Variants in GTF2B observed in about 807,000 individuals in gnomAD.
The protein encoded by GTF2B is transcription initiation factor IIB.
A neutral mutation model predicts 34.6 loss-of-function variants in GTF2B; 20 were observed. The ratio of observed to expected loss-of-function variants is 0.58; its 90% CI spans 0.41 to 0.84. The LOEUF is 0.84. Ranked by LOEUF, GTF2B falls within the 40% of genes least tolerant of loss-of-function variation. The pLI is 0.00. For missense variants in GTF2B, 237 were observed against 393.3 expected (o/e 0.60, Z 3.36); for synonymous variants, 142 against 132.4 (o/e 1.07, Z -0.50).
intron 2 of GTF2B, among the ~76,000 whole-genome samples, chr1:88,872,149 G>A (rs1673706515): frequency 6.6e-6 from 1 of 152,014 alleles, no homozygotes; most frequent in African/African-American, 2.4e-5. Context: ...ATGATTTTAG[G>A]TCCTTTGAAA....
At chr1:88,854,906 T>C (rs1435765998) in intron 6 of GTF2B, among the ~76,000 whole-genome samples, 1 of 152,266 alleles carries the variant, frequency 6.6e-6, no homozygotes, top group Non-Finnish European at 1.5e-5. Flanking sequence ...AATTAGCTAA[T>C]TTTAAATTTC....
In GTF2B at chr1:88,872,462, A is replaced by T. The variant is rs1387996305; in HGVS notation, c.125-8348T>A. Reference sequence around the variant, plus strand: ...AGTGAAACTCCATCTCAATAAAAAAAAAAAAAAAAAAAAAAAAAAAGAAAG... The same window carrying T: ...AGTGAAACTCCATCTCAATAAAAAATAAAAAAAAAAAAAAAAAAAAGAAAG... On this transcript the variant is annotated intron_variant, in intron 2 of 6. Coordinates refer to ENST00000370500, the MANE Select transcript of GTF2B (RefSeq NM_001514.6). 4.8e-4 allele frequency among the ~76,000 whole-genome samples: 70 copies of T among 146,324 alleles called. 1 individual carries two copies. The highest frequency in any genetic ancestry group is 1.8e-3 in the African/African-American group (70 of 37,904).
intron 3 of GTF2B, 73 bp from the exon 4 acceptor site, chr1:88,860,359 T>C (rs1320945141): frequency 8.5e-6 from 9 of 1,064,634 alleles, no homozygotes; most frequent in Non-Finnish European, 1.1e-5. Flanking sequence ...TATGAAAATA[T>C]AGCTTACAAG....
chr1:88,852,693 C>T lies in GTF2B; in HGVS notation c.*520G>A, dbSNP rs1248598603. 6.7e-6 allele frequency among the ~76,000 whole-genome samples: 1 copy of T among 149,534 alleles called. No homozygotes were observed. Among genetic ancestry groups the T allele is most frequent in the South Asian group, 2.1e-4 (1 of 4,816 alleles). Reference sequence around the variant, plus strand: ...GGTGCCTTTCAAGGCCCAAGCTCATCACTTCTTGTTTAATAATATACATAA... The same window carrying T: ...GGTGCCTTTCAAGGCCCAAGCTCATTACTTCTTGTTTAATAATATACATAA... On this transcript the variant is annotated 3_prime_UTR_variant, in exon 7 of 7. Transcript: ENST00000370500.
chr1:88,878,224 A>G (rs945686296), intron 2 of GTF2B, among the ~76,000 whole-genome samples: 8 of 152,142 alleles, frequency 5.3e-5, no homozygotes, highest in Non-Finnish European at 1.0e-4. Context: ...CAGTGAGTCG[A>G]GATGATTTCA....
intron 6 of GTF2B, among the ~76,000 whole-genome samples, chr1:88,856,762 T>C (rs957895320): frequency 2.0e-5 from 3 of 152,088 alleles, no homozygotes; most frequent in Non-Finnish European, 4.4e-5. Context: ...AAAACATATT[T>C]TCTTAACATT....
At chr1:88,871,972 G>A (rs890658831) in intron 2 of GTF2B, among the ~76,000 whole-genome samples, 56 of 151,778 alleles carry the variant, frequency 3.7e-4, no homozygotes, top group Non-Finnish European at 6.2e-4. Flanking sequence ...ACCTCAGGTA[G>A]TCCACCCACC....
At chr1:88,860,552 A>C (rs561073877) in intron 3 of GTF2B, among the ~76,000 whole-genome samples, 1 of 152,312 alleles carries the variant, frequency 6.6e-6, no homozygotes, top group East Asian at 1.9e-4. Context: ...TTCACTTAGA[A>C]ATATGATAAA....
At chr1:88,880,325 G>A (rs576945841) in intron 2 of GTF2B, among the ~76,000 whole-genome samples, 1 of 152,258 alleles carries the variant, frequency 6.6e-6, no homozygotes, top group East Asian at 1.9e-4. Flanking sequence ...TAGAATATTT[G>A]CCCACCTTGA....
intron 1 of GTF2B, among the ~76,000 whole-genome samples, 160 bp from the exon 2 acceptor site, chr1:88,887,527 GTTATT>G (rs562798156): frequency 1.8e-3 from 269 of 152,270 alleles, no homozygotes; most frequent in Non-Finnish European, 3.3e-3. Flanking sequence ...TCCCAGTTAG[GTTATT>G]TTAAATTCCA....
intron 2 of GTF2B, among the ~76,000 whole-genome samples, chr1:88,871,571 C>T (rs1021736776): frequency 2.0e-5 from 3 of 152,096 alleles, no homozygotes; most frequent in African/African-American, 7.2e-5. Flanking sequence ...GGTCATGCTT[C>T]AAAGGGGAGA....
At chr1:88,875,695 T>C (rs1432994899) in intron 2 of GTF2B, among the ~76,000 whole-genome samples, 3 of 152,220 alleles carry the variant, frequency 2.0e-5, no homozygotes, top group Admixed American at 6.5e-5. Flanking sequence ...GATGTCACCA[T>C]ACTCGGAAGA....
rs1553161836 is a variant in GTF2B, at chr1:88,852,847, T to TAAAG, written c.*362_*365dup. On this transcript the variant is annotated 3_prime_UTR_variant, in exon 7 of 7. Coordinates refer to ENST00000370500, the MANE Select transcript of GTF2B (RefSeq NM_001514.6). ...ACTATGTATATATAAGTAATGGAAA[T>TAAAG]AAAGTCTATCAGCTTTATTAGCTGC... The TAAAG allele has an allele frequency of 0.023, 4,215 of 185,378 alleles. 101 individuals carry two copies. The highest frequency in any genetic ancestry group is 0.058 in the African/African-American group (2,151 of 36,806). 11.5% of individuals were successfully genotyped at this position (185,378 alleles called of 1,614,324 possible). A position where few individuals can be genotyped will look rare whatever the true frequency, so the allele number is the denominator to read the frequency against.
chr1:88,891,336 C>T (rs1674201248), intron 1 of GTF2B, 147 bp downstream of exon 1: 1 of 611,358 alleles, frequency 1.6e-6, no homozygotes, highest in Non-Finnish European at 2.9e-6. Flanking sequence ...TCTGGAAGTG[C>T]CTTTGTCCCG....
intron 3 of GTF2B, among the ~76,000 whole-genome samples, chr1:88,862,998 T>G (rs1223325551): frequency 6.6e-6 from 1 of 150,604 alleles, no homozygotes; most frequent in Non-Finnish European, 1.5e-5. Flanking sequence ...ATAGTATACA[T>G]GAAGTTATAA....
chr1:88,872,298 A>G (rs1044430100), intron 2 of GTF2B, among the ~76,000 whole-genome samples: 4 of 151,730 alleles, frequency 2.6e-5, no homozygotes, highest in Admixed American at 6.6e-5. Context: ...TACTAAAAAT[A>G]CGAAATTAGA....
At chr1:88,875,585 G>C (rs1265767865) in intron 2 of GTF2B, among the ~76,000 whole-genome samples, 1 of 152,104 alleles carries the variant, frequency 6.6e-6, no homozygotes, top group Non-Finnish European at 1.5e-5. Context: ...CTATGGCATA[G>C]GTTTCTTTTT....
chr1:88,867,833 T>A (rs548740617), intron 2 of GTF2B, among the ~76,000 whole-genome samples: 6 of 152,288 alleles, frequency 3.9e-5, no homozygotes, highest in Non-Finnish European at 8.8e-5. Flanking sequence ...GGTAGTATAG[T>A]ATAAATAGAA....
rs564605256 is a variant in GTF2B at position 88,856,289 on chromosome 1, AAC to A, written c.817+915_817+916del. Among the ~76,000 whole-genome samples, 200 of 93,002 alleles carry A rather than the reference AAC, an allele frequency of 2.2e-3. 32 individuals are homozygous for A. The highest frequency in any genetic ancestry group is 3.9e-3 in the Admixed American group (38 of 9,706). The allele number at this position is 93,002 out of a possible 152,430, so 61.0% of individuals were successfully genotyped here. ...TTCAAAAACAAAAAAAAAAAAAAAA[AAC>A]AAAAAAAAAAAAGGAAAAGAAATTC... On this transcript the variant is annotated intron_variant, in intron 6 of 6. Coordinates refer to ENST00000370500, the MANE Select transcript of GTF2B (RefSeq NM_001514.6).
Sources: gnomAD v4.1 joint callset for allele counts (sites outside exome capture counted in the v4.1 genomes callset) on GRCh38, gnomAD v4.1.1 for gene constraint, MANE v1.5 for transcripts, NCBI Gene and HGNC (gene_info 2026-07-23, HGNC 2026-07-21) for gene names.